Variants in MAMDC2 observed in about 807,000 individuals in gnomAD.
MAMDC2 encodes the protein MAM domain containing 2.
Under a neutral mutation model 89.8 loss-of-function variants are expected in MAMDC2, and 57 were observed. That is an observed-to-expected ratio of 0.63 (90% CI 0.51 to 0.79). MAMDC2 has a LOEUF of 0.79. MAMDC2 is among the 30% of genes least tolerant of loss of function. The pLI, the probability that MAMDC2 is intolerant of heterozygous loss-of-function variation, is 0.00. For synonymous variants in MAMDC2, 313 were observed against 293.4 expected (o/e 1.07, Z -0.68); for missense variants, 800 against 820.6 (o/e 0.97, Z 0.31).
Position 70,126,286 on chromosome 9 carries a change from T to C in MAMDC2, c.771T>C (p.Asn257=), listed in dbSNP as rs2030542067. ...TTTATTACCAGATCCAGCAGGGGAA[T>C]GACAATGTCTTTTCCCTTTACACTC... The part of the protein sequence containing the change: ...LSFYYQIQQG[N]DNVFSLYTRD... Residue 257 remains asparagine (N), a synonymous_variant, in exon 6 of 14, where the codon AAT becomes AAC. Coordinates refer to ENST00000377182, the MANE Select transcript of MAMDC2 (RefSeq NM_153267.5). 3.7e-6 allele frequency: 6 copies of C among 1,614,072 alleles called. No homozygotes were observed. Among genetic ancestry groups the C allele is most frequent in the Middle Eastern group, 3.3e-4 (2 of 6,084 alleles).
chr9:70,197,031 A>C (rs891226708), intron 11 of MAMDC2, among the ~76,000 whole-genome samples: 19 of 149,852 alleles, frequency 1.3e-4, no homozygotes, highest in East Asian at 7.9e-4. Context: ...AGCCATTCTA[A>C]ATCTGTCTGC....
intron 7 of MAMDC2, among the ~76,000 whole-genome samples, chr9:70,132,702 T>G (rs1196167948): frequency 1.3e-5 from 2 of 151,990 alleles, no homozygotes; most frequent in Admixed American, 1.3e-4. Context: ...GGTTTTTATT[T>G]TAGTAGAGAT....
chr9:70,122,576 G>C (rs1468338577), intron 5 of MAMDC2, among the ~76,000 whole-genome samples: 1 of 152,192 alleles, frequency 6.6e-6, no homozygotes, highest in Non-Finnish European at 1.5e-5. Context: ...GACAGGCCCA[G>C]TGTCCTTATG....
chr9:70,148,107 C>G (rs1230839303), intron 9 of MAMDC2: 2 of 150,482 alleles, frequency 1.3e-5, no homozygotes, highest in Non-Finnish European at 3.0e-5. Context: ...GCTCTAGCAT[C>G]AGCCACCTCC....
chr9:70,102,688 T>C (rs1828227409), intron 2 of MAMDC2, among the ~76,000 whole-genome samples: 1 of 152,086 alleles, frequency 6.6e-6, no homozygotes, highest in Non-Finnish European at 1.5e-5. Context: ...TGTTTTTGAT[T>C]GCTGACTTAC....
At chr9:70,140,062 T>C in intron 7 of MAMDC2, 83 bp from the exon 8 acceptor site, 1 of 1,378,016 alleles carries the variant, frequency 7.3e-7, no homozygotes, top group East Asian at 2.7e-5. Context: ...TACAAATGTG[T>C]ATATATAAAT....
chr9:70,104,380 T>C (rs1284887439), intron 2 of MAMDC2, among the ~76,000 whole-genome samples: 1 of 152,202 alleles, frequency 6.6e-6, no homozygotes, highest in African/African-American at 2.4e-5. Flanking sequence ...AGAAAGCAGT[T>C]TGGCAGTTCT....
At chr9:70,176,456 A>T (rs973355138) in intron 11 of MAMDC2, among the ~76,000 whole-genome samples, 2 of 152,254 alleles carry the variant, frequency 1.3e-5, no homozygotes, top group African/African-American at 4.8e-5. Context: ...GCATGTTATT[A>T]TATGAATATA....
chr9:70,140,306 C>A lies in MAMDC2; in HGVS notation c.1138+18C>A, dbSNP rs1314823579. On this transcript the variant is annotated intron_variant, in intron 8 of 13. Transcript: ENST00000377182. ...AGGCTTAGGTAAATCAGAGATCTGT[C>A]TATGTGGGGACATCTTGGGTAGTCG... 15 of 1,568,608 alleles carry A rather than the reference C, an allele frequency of 9.6e-6. No homozygotes were observed. Among genetic ancestry groups the A allele is most frequent in the Non-Finnish European group, 1.3e-5 (15 of 1,163,706 alleles).
chr9:70,090,146 C>G (rs1827857631), intron 2 of MAMDC2, among the ~76,000 whole-genome samples: 1 of 151,734 alleles, frequency 6.6e-6, no homozygotes, highest in Admixed American at 6.6e-5. Context: ...CACACACACA[C>G]ACACATAAAA....
chr9:70,164,542 TAAATTTA>T (rs2032102028), intron 9 of MAMDC2, among the ~76,000 whole-genome samples: 1 of 152,204 alleles, frequency 6.6e-6, no homozygotes, highest in Non-Finnish European at 1.5e-5. Flanking sequence ...TTGATTTACA[TAAATTTA>T]ATTTGTCTCT....
chr9:70,112,940 C>T (rs1043061917), intron 4 of MAMDC2, 55 bp from the exon 5 acceptor site: 41 of 1,603,004 alleles, frequency 2.6e-5, no homozygotes, highest in African/African-American at 2.4e-4. Flanking sequence ...TAGTAGGATG[C>T]GTGTACCCAG....
At chr9:70,164,593 C>T (rs2032104447) in intron 9 of MAMDC2, among the ~76,000 whole-genome samples, 1 of 152,030 alleles carries the variant, frequency 6.6e-6, no homozygotes, top group African/African-American at 2.4e-5. Flanking sequence ...ATCAGGAATA[C>T]CTTTCTAAGG....
chr9:70,218,272 T>C, intron 11 of MAMDC2, 65 bp from the exon 12 acceptor site: 2 of 1,526,772 alleles, frequency 1.3e-6, no homozygotes, highest in South Asian at 1.3e-5. Context: ...TGAAAGAACA[T>C]TATGAAAGGA....
At chr9:70,106,657 T>A (rs953922794) in intron 2 of MAMDC2, among the ~76,000 whole-genome samples, 2 of 152,140 alleles carry the variant, frequency 1.3e-5, no homozygotes, top group African/African-American at 4.8e-5. Flanking sequence ...GTGGGAGGTA[T>A]GATGGTGTCA....
chr9:70,177,018 C>T (rs1255829786), intron 11 of MAMDC2, among the ~76,000 whole-genome samples: 1 of 152,158 alleles, frequency 6.6e-6, no homozygotes. Context: ...CAATAAGACA[C>T]TAACAATGAC....
At chr9:70,150,367 C>A (rs2031544965) in intron 9 of MAMDC2, among the ~76,000 whole-genome samples, 1 of 152,162 alleles carries the variant, frequency 6.6e-6, no homozygotes, top group Non-Finnish European at 1.5e-5. Flanking sequence ...ACTTTACTTC[C>A]AAACTGATGA....
rs1826671629 is a variant in MAMDC2, at chr9:70,044,101, C to A, written c.-97C>A. 1 of 1,453,074 alleles carries A rather than the reference C, an allele frequency of 6.9e-7. No homozygotes were observed. The highest frequency in any genetic ancestry group is 1.7e-5 in the Admixed American group (1 of 58,350). 90.0% of individuals were successfully genotyped at this position (1,453,074 alleles called of 1,614,324 possible). A position where few individuals can be genotyped will look rare whatever the true frequency, so the allele number is the denominator to read the frequency against. On this transcript the variant is annotated 5_prime_UTR_variant, in exon 1 of 14. Transcript: ENST00000377182. ...GACTTCTCCCTCCTTGGGTCCCCGG[C>A]GCCCCCGCCTCCCACGATCCCTTTC...
At chr9:70,163,091 T>C (rs1238600737) in intron 9 of MAMDC2, among the ~76,000 whole-genome samples, 6 of 152,068 alleles carry the variant, frequency 3.9e-5, no homozygotes, top group African/African-American at 1.4e-4. Flanking sequence ...ATAATTACAG[T>C]TTTCTAAAGC....
Sources: gnomAD v4.1 joint callset for allele counts (sites outside exome capture counted in the v4.1 genomes callset) on GRCh38, gnomAD v4.1.1 for gene constraint, MANE v1.5 for transcripts, NCBI Gene and HGNC (gene_info 2026-07-23, HGNC 2026-07-21) for gene names.